The following CCSER1 variants were observed in gnomAD, a reference collection of about 807,000 sequenced individuals.
CCSER1 encodes the protein coiled-coil serine rich protein 1.
In CCSER1, 41 loss-of-function variants were observed where a neutral mutation model predicts 82.0. The ratio of observed to expected loss-of-function variants is 0.50; its 90% CI spans 0.39 to 0.65. CCSER1 has a LOEUF of 0.65. CCSER1 is among the 30% of genes least tolerant of loss of function. The probability of loss-of-function intolerance (pLI) is 0.00; values close to 1 mark genes in which losing one functional copy is unlikely to be tolerated. For missense variants in CCSER1, 1,119 were observed against 1,064.2 expected (o/e 1.05, Z -0.72); for synonymous variants, 414 against 383.9 (o/e 1.08, Z -0.92).
intron 5 of CCSER1, among the ~76,000 whole-genome samples, chr4:90,607,980 G>A (rs1430408345): frequency 6.6e-6 from 1 of 152,066 alleles, no homozygotes; most frequent in African/African-American, 2.4e-5. Flanking sequence ...TATATCCTGT[G>A]TGCACTCCAC....
At chr4:91,583,522 C>G (rs1285979222) in intron 10 of CCSER1, among the ~76,000 whole-genome samples, 1 of 151,342 alleles carries the variant, frequency 6.6e-6, no homozygotes, top group Admixed American at 6.6e-5. Flanking sequence ...AGGTGTACTA[C>G]TCTAAGGACA....
chr4:90,867,118 G>A (rs538662042), intron 8 of CCSER1, among the ~76,000 whole-genome samples: 1 of 152,080 alleles, frequency 6.6e-6, no homozygotes, highest in African/African-American at 2.4e-5. Context: ...CCCCTCCTTT[G>A]TAGAATACAG....
intron 8 of CCSER1, among the ~76,000 whole-genome samples, chr4:90,917,612 T>C (rs544147111): frequency 9.9e-5 from 15 of 152,246 alleles, no homozygotes; most frequent in African/African-American, 3.4e-4. Context: ...TGTATACATA[T>C]GTAACAAACC....
At chr4:90,915,614 A>T (rs979073041) in intron 8 of CCSER1, among the ~76,000 whole-genome samples, 2 of 152,154 alleles carry the variant, frequency 1.3e-5, no homozygotes, top group Non-Finnish European at 2.9e-5. Context: ...CAAGACAGGG[A>T]TGCCCTCTCT....
chr4:91,040,891 A>C (rs968946129), intron 9 of CCSER1, among the ~76,000 whole-genome samples: 24 of 152,190 alleles, frequency 1.6e-4, no homozygotes, highest in African/African-American at 5.8e-4. Context: ...AAAAAGCTTT[A>C]TTTGGAGGGG....
chr4:91,126,755 C>T (rs1049212494), intron 10 of CCSER1, among the ~76,000 whole-genome samples: 1 of 151,922 alleles, frequency 6.6e-6, no homozygotes, highest in African/African-American at 2.4e-5. Context: ...AGCAACTATT[C>T]TGTCACAAGT....
chr4:91,401,205 A>G, intron 10 of CCSER1, among the ~76,000 whole-genome samples: 1 of 150,838 alleles, frequency 6.6e-6, no homozygotes, highest in African/African-American at 2.4e-5. Flanking sequence ...TAATAATATA[A>G]AATATCTAAT....
At chr4:90,959,493 A>T (rs1733843800) in intron 9 of CCSER1, among the ~76,000 whole-genome samples, 1 of 152,104 alleles carries the variant, frequency 6.6e-6, no homozygotes, top group South Asian at 2.1e-4. Context: ...GGCACACCTG[A>T]GTTTTCTTTG....
intron 3 of CCSER1, among the ~76,000 whole-genome samples, chr4:90,313,504 T>G (rs1244591535): frequency 6.6e-6 from 1 of 151,902 alleles, no homozygotes; most frequent in Non-Finnish European, 1.5e-5. Context: ...GGGTGAGGAG[T>G]TGGTGTGAAG....
chr4:90,468,343 G>A lies in CCSER1; in HGVS notation c.1713G>A (p.Glu571=). ...AAAGAGAAGAACCAGAATTTCCTGA[G>A]CCTTCCAAACAGTGAGTTGTTCATT... ...MKKREEPEFP[E]PSKQNLSLKL... The change falls in exon 5 of 11, where the codon GAG becomes GAA. Residue 571 remains glutamate, a synonymous_variant. Transcript: ENST00000509176. The A allele has an allele frequency of 6.2e-7, 1 of 1,603,828 alleles. No homozygotes were observed. The highest frequency in any genetic ancestry group is 8.5e-7 in the Non-Finnish European group (1 of 1,173,912).
At chr4:90,844,996 A>G (rs1292934278) in intron 8 of CCSER1, among the ~76,000 whole-genome samples, 4 of 152,204 alleles carry the variant, frequency 2.6e-5, no homozygotes, top group African/African-American at 7.2e-5. Context: ...AACATTATTT[A>G]TGAAAACTAA....
intron 10 of CCSER1, among the ~76,000 whole-genome samples, chr4:91,440,082 C>G (rs1269453571): frequency 2.6e-5 from 4 of 151,996 alleles, no homozygotes; most frequent in Admixed American, 2.6e-4. Context: ...CAAGGATACC[C>G]AGGAATTGAA....
intron 7 of CCSER1, among the ~76,000 whole-genome samples, chr4:90,813,528 G>C (rs1023265353): frequency 6.6e-6 from 1 of 152,134 alleles, no homozygotes; most frequent in Non-Finnish European, 1.5e-5. Flanking sequence ...GAGGAACCCC[G>C]GGGGAGGTAA....
At chr4:90,144,292 C>G (rs1217092508) in intron 1 of CCSER1, among the ~76,000 whole-genome samples, 1 of 143,688 alleles carries the variant, frequency 7.0e-6, no homozygotes, top group Non-Finnish European at 1.5e-5. Flanking sequence ...AAGTGTGCTG[C>G]TATTCATTGG....
rs189374402 is a variant in CCSER1 at position 91,138,985 on chromosome 4, G to T, written c.2217+52991G>T. Reference sequence around the variant, plus strand: ...GCTATGAATGATCTGTCACCCAGGTGGTGAGCATAGTACATCATAGGTAGC... The same window carrying T: ...GCTATGAATGATCTGTCACCCAGGTTGTGAGCATAGTACATCATAGGTAGC... On this transcript the variant is annotated intron_variant, in intron 10 of 10. Transcript: ENST00000509176. Among the ~76,000 whole-genome samples, 32 of 152,266 alleles carry T rather than the reference G, an allele frequency of 2.1e-4. No individual in the cohort carries two copies. In the East Asian group the frequency reaches 5.0e-3, roughly 24 times the overall value.
chr4:91,021,043 C>T (rs6830608), intron 9 of CCSER1, among the ~76,000 whole-genome samples: 106,736 of 152,074 alleles, frequency 0.7, 38,001 homozygotes, highest in East Asian at 0.84. Context: ...AGGTAACTCC[C>T]TTCCATTATG....
chr4:90,713,310 C>T (rs1258637596), intron 6 of CCSER1, among the ~76,000 whole-genome samples: 1 of 152,038 alleles, frequency 6.6e-6, no homozygotes, highest in Non-Finnish European at 1.5e-5. Flanking sequence ...CACGTGCTTC[C>T]TTCAGGAGCT....
intron 1 of CCSER1, among the ~76,000 whole-genome samples, chr4:90,138,349 G>A (rs1009364997): frequency 3.9e-5 from 6 of 152,024 alleles, no homozygotes; most frequent in African/African-American, 9.7e-5. Flanking sequence ...GCCCCACTAC[G>A]CCCAACTAAG....
chr4:90,457,814 C>T (rs1244674755), intron 4 of CCSER1, among the ~76,000 whole-genome samples: 5 of 152,178 alleles, frequency 3.3e-5, no homozygotes, highest in Non-Finnish European at 7.3e-5. Flanking sequence ...GGTGAGTCTT[C>T]ACCAGGGACC....
Sources: gnomAD v4.1 joint callset for allele counts (sites outside exome capture counted in the v4.1 genomes callset) on GRCh38, gnomAD v4.1.1 for gene constraint, MANE v1.5 for transcripts, NCBI Gene and HGNC (gene_info 2026-07-23, HGNC 2026-07-21) for gene names.